TGFA: variants seen among roughly 807,000 people sequenced by gnomAD.
TGFA encodes protransforming growth factor alpha.
A neutral mutation model predicts 21.7 loss-of-function variants in TGFA; 12 were observed. That is an observed-to-expected ratio of 0.55 (90% CI 0.35 to 0.90). The LOEUF (loss-of-function observed/expected upper bound fraction) is 0.90. Ranked by LOEUF, TGFA falls within the 40% of genes least tolerant of loss-of-function variation. The pLI is 0.01. For synonymous variants in TGFA, 79 were observed against 88.1 expected, an observed-to-expected ratio of 0.90 and a Z score of 0.58; for missense variants, 178 against 210.8, an observed-to-expected ratio of 0.84 and a Z score of 0.96.
intron 2 of TGFA, among the ~76,000 whole-genome samples, chr2:70,509,463 G>C (rs1189647947): frequency 6.6e-6 from 1 of 152,112 alleles, no homozygotes; most frequent in Non-Finnish European, 1.5e-5. Context: ...ACTGAGATCT[G>C]ATCACCATCT....
At position 70,448,053 on chromosome 2, in the gene TGFA, A is replaced by C. The variant is rs1669933916; in HGVS notation, c.*2806T>G. ...GTGTGGGTGGGTGAGTGGCAATCCC[A>C]TCTTTTTCTCCTTTCTCAGGGAAAA... On this transcript the variant is annotated 3_prime_UTR_variant, in exon 6 of 6. Transcript: ENST00000295400. 6.6e-6 allele frequency: 1 copy of C among 152,186 alleles called. No individual in the cohort carries two copies. The highest frequency in any genetic ancestry group is 2.1e-4 in the South Asian group (1 of 4,830). The allele number at this position is 152,186 out of a possible 1,614,324, so 9.4% of individuals were successfully genotyped here. A position where few individuals can be genotyped will look rare whatever the true frequency, so the allele number is the denominator to read the frequency against.
intron 1 of TGFA, among the ~76,000 whole-genome samples, chr2:70,536,998 C>CTTTT (rs35098749): frequency 5.1e-5 from 7 of 136,804 alleles, no homozygotes; most frequent in South Asian, 4.7e-4. Flanking sequence ...TTTTCTTTTT[C>CTTTT]TTTTTTTTTT....
At chr2:70,496,397 A>G (rs1671579126) in intron 2 of TGFA, among the ~76,000 whole-genome samples, 1 of 146,390 alleles carries the variant, frequency 6.8e-6, no homozygotes, top group South Asian at 2.2e-4. Context: ...ACCTATTTCA[A>G]AGGCCATGGA....
chr2:70,478,949 ATG>A (rs1402302523), intron 2 of TGFA, among the ~76,000 whole-genome samples: 2 of 152,130 alleles, frequency 1.3e-5, no homozygotes, highest in Non-Finnish European at 2.9e-5. Context: ...ATGAAATTTG[ATG>A]TGTCATTTGA....
intron 1 of TGFA, 24 bp downstream of exon 1, chr2:70,553,704 G>A (rs1162316824): frequency 4.5e-6 from 6 of 1,331,712 alleles, no homozygotes; most frequent in Non-Finnish European, 5.8e-6. Context: ...GCGGCGCAGG[G>A]GGCGCCGCAG....
chr2:70,469,947 C>T (rs572318933), intron 2 of TGFA, among the ~76,000 whole-genome samples: 7 of 152,130 alleles, frequency 4.6e-5, no homozygotes, highest in Non-Finnish European at 8.8e-5. Context: ...TTGATGGATA[C>T]CTTTGCCTCT....
At chr2:70,470,541 G>C (rs998818680) in intron 2 of TGFA, among the ~76,000 whole-genome samples, 7 of 152,208 alleles carry the variant, frequency 4.6e-5, no homozygotes, top group Non-Finnish European at 8.8e-5. Flanking sequence ...TGCTGTGGTG[G>C]ATGACATCCT....
chr2:70,506,594 T>C (rs984688208), intron 2 of TGFA, among the ~76,000 whole-genome samples: 34 of 152,176 alleles, frequency 2.2e-4, no homozygotes, highest in Admixed American at 2.2e-3. Context: ...TCACCAGTAA[T>C]GATAAAAAGG....
Position 70,478,082 on chromosome 2 carries a change from G to C in TGFA, c.95-12346C>G, listed in dbSNP as rs892066493. 5.1e-5 allele frequency among the ~76,000 whole-genome samples: 7 copies of C among 138,130 alleles called. No individual in the cohort carries two copies. In the South Asian group the frequency reaches 1.6e-3, roughly 31 times the overall value. 90.6% of individuals were successfully genotyped at this position (138,130 alleles called of 152,430 possible). A position where few individuals can be genotyped will look rare whatever the true frequency, so the allele number is the denominator to read the frequency against. ...TTGGGAGGCTCCACTTTGAAACCCT[G>C]GTCCCCAGCTTAAGGTCTGTTCTGT... On this transcript the variant is annotated intron_variant, in intron 2 of 5. Transcript: ENST00000295400.
At chr2:70,526,589 G>A in intron 1 of TGFA, among the ~76,000 whole-genome samples, 1 of 152,192 alleles carries the variant, frequency 6.6e-6, no homozygotes, top group East Asian at 1.9e-4. Flanking sequence ...GGGGCAGAGA[G>A]CATCATGTAT....
intron 1 of TGFA, among the ~76,000 whole-genome samples, chr2:70,550,743 C>T (rs1553506695): frequency 6.6e-6 from 1 of 152,174 alleles, no homozygotes; most frequent in East Asian, 1.9e-4. Flanking sequence ...ATGGCGTGAA[C>T]CCGGGAGGCG....
chr2:70,477,779 A>G (rs914549985), intron 2 of TGFA, among the ~76,000 whole-genome samples: 1 of 152,174 alleles, frequency 6.6e-6, no homozygotes, highest in Non-Finnish European at 1.5e-5. Context: ...GTCCTTGAAT[A>G]AGCACATGGA....
At chr2:70,469,591 C>T (rs1553492875) in intron 2 of TGFA, among the ~76,000 whole-genome samples, 1 of 152,186 alleles carries the variant, frequency 6.6e-6, no homozygotes, top group African/African-American at 2.4e-5. Context: ...CCTACCTCGG[C>T]CTCCCAAAGT....
chr2:70,456,285 C>G, intron 4 of TGFA, 54 bp downstream of exon 4: 1 of 1,516,850 alleles, frequency 6.6e-7, no homozygotes, highest in South Asian at 1.2e-5. Context: ...CTGCGGATGT[C>G]CCTGGTAGGG....
In TGFA at chr2:70,501,493, T is replaced by A. The variant is rs551502396; in HGVS notation, c.94+13366A>T. 2.0e-5 allele frequency among the ~76,000 whole-genome samples: 3 copies of A among 152,166 alleles called. No individual in the cohort carries two copies. In the East Asian group the frequency reaches 5.8e-4, roughly 29 times the overall value. The stretch of plus-strand genomic sequence containing the variant: ...CTCTGCAGTAAGCCCTCCTGCTCAC[T>A]CACAAAAATGCTTAAACAAGAAAGA... On this transcript the variant is annotated intron_variant, in intron 2 of 5. Coordinates refer to ENST00000295400, the MANE Select transcript of TGFA (RefSeq NM_003236.4).
intron 2 of TGFA, among the ~76,000 whole-genome samples, chr2:70,471,112 C>T (rs531892783): frequency 7.1e-6 from 1 of 140,448 alleles, no homozygotes; most frequent in African/African-American, 2.9e-5. Context: ...TCCCCGCACC[C>T]CCCCCACCAT....
intron 5 of TGFA, chr2:70,451,703 C>A: frequency 1.5e-6 from 1 of 685,694 alleles, no homozygotes; most frequent in Non-Finnish European, 2.6e-6. Context: ...TCTATTGGTG[C>A]TAAAAGAAAA....
chr2:70,465,368 G>A (rs1670522141), intron 3 of TGFA, among the ~76,000 whole-genome samples: 1 of 152,154 alleles, frequency 6.6e-6, no homozygotes, highest in South Asian at 2.1e-4. Context: ...TGTTAAAAAT[G>A]CAGGGCCCCA....
intron 1 of TGFA, among the ~76,000 whole-genome samples, chr2:70,528,518 G>C (rs1353307144): frequency 5.3e-5 from 8 of 151,706 alleles, no homozygotes; most frequent in Non-Finnish European, 1.0e-4. Flanking sequence ...AGAACGATGT[G>C]GGGGGCGGGT....
Sources: allele counts gnomAD v4.1 joint callset (sites outside exome capture counted in the v4.1 genomes callset), GRCh38; gene constraint gnomAD v4.1.1; transcripts MANE v1.5; gene names NCBI Gene and HGNC (gene_info 2026-07-23, HGNC 2026-07-21).